The following SLX9 variants were observed in gnomAD, a reference collection of about 807,000 sequenced individuals.
SLX9 encodes the protein SLX9 ribosome biogenesis factor, also known as ribosome biogenesis protein SLX9 homolog.
SLX9 carries 19 observed loss-of-function variants against 20.8 expected under a neutral mutation model. The ratio of observed to expected loss-of-function variants is 0.91; its 90% CI spans 0.64 to 1.34. SLX9 has a LOEUF of 1.34. Among genes scored for constraint, SLX9 ranks in the 40% most tolerant of loss-of-function variants. The pLI, the probability that SLX9 is intolerant of heterozygous loss-of-function variation, is 0.00. For synonymous variants in SLX9, 113 were observed against 137.1 expected (o/e 0.82, Z 1.23); for missense variants, 299 against 322.2 (o/e 0.93, Z 0.55).
intron 2 of SLX9, among the ~76,000 whole-genome samples, chr21:44,957,005 C>T (rs984018437): frequency 4.6e-5 from 7 of 152,236 alleles, no homozygotes; most frequent in African/African-American, 1.7e-4. Context: ...AATTGCAGCT[C>T]CAGAGCACGG....
intron 3 of SLX9, among the ~76,000 whole-genome samples, chr21:44,960,482 C>G (rs1005983817): frequency 6.6e-6 from 1 of 152,278 alleles, no homozygotes; most frequent in African/African-American, 2.4e-5. Flanking sequence ...TGGGAAGCTG[C>G]TGCTCTCGGC....
At position 44,951,666 on chromosome 21, in the gene SLX9, C is replaced by T. The variant is rs576508271; in HGVS notation, c.283+7829C>T. ...GGAGATAAAAGCCAGGCCCTGCCCC[C>T]GGAGCCGCCCGAGCGCGCTGTGTGG... On this transcript the variant is annotated intron_variant, in intron 2 of 5. Coordinates refer to ENST00000291634, the MANE Select transcript of SLX9 (RefSeq NM_058190.4). Among the ~76,000 whole-genome samples the T allele has an allele frequency of 2.5e-4, 38 of 152,282 alleles. No homozygotes were observed. The South Asian group carries it at 3.5e-3, about 14-fold the overall frequency.
At chr21:44,971,455 G>T (rs1008830007) in intron 4 of SLX9, among the ~76,000 whole-genome samples, 2 of 152,144 alleles carry the variant, frequency 1.3e-5, no homozygotes, top group African/African-American at 4.8e-5. Flanking sequence ...GGTCCCCGCA[G>T]TGGGGAGGGG....
At chr21:44,940,028 T>G, upstream of SLX9, 1 of 1,401,078 alleles carries the variant, frequency 7.1e-7, no homozygotes, top group East Asian at 3.0e-5. Context: ...CGGGAGGCGC[T>G]CCGCACGTTT....
At position 44,975,436 on chromosome 21, in the gene SLX9, G is replaced by T. The variant is rs553463624; in HGVS notation, c.570-1244G>T. ...GGAGCCACACAGTGCCAGGGGCACCGAACCCGTGTCCCATAGTGTCTAAAC... is the reference window on the plus strand; with the variant it reads ...GGAGCCACACAGTGCCAGGGGCACCTAACCCGTGTCCCATAGTGTCTAAAC... On this transcript the variant is annotated intron_variant, in intron 5 of 5. Transcript: ENST00000291634. Among the ~76,000 whole-genome samples the T allele has an allele frequency of 2.0e-5, 3 of 152,320 alleles. No individual in the cohort carries two copies. In the East Asian group the frequency reaches 5.8e-4, roughly 29 times the overall value.
At chr21:44,975,463 C>G (rs1225153842) in intron 5 of SLX9, among the ~76,000 whole-genome samples, 2 of 152,250 alleles carry the variant, frequency 1.3e-5, no homozygotes, top group Non-Finnish European at 2.9e-5. Flanking sequence ...TGTCTAAACT[C>G]AGGCGCAGGC....
At chr21:44,950,264 CT>C (rs1309396690) in intron 2 of SLX9, among the ~76,000 whole-genome samples, 1 of 138,040 alleles carries the variant, frequency 7.2e-6, no homozygotes, top group African/African-American at 2.8e-5. Flanking sequence ...TTTTTAAGAC[CT>C]TTTTTTACAG....
intron 3 of SLX9, among the ~76,000 whole-genome samples, chr21:44,960,421 G>T (rs913068320): frequency 6.6e-6 from 1 of 152,268 alleles, no homozygotes; most frequent in Non-Finnish European, 1.5e-5. Flanking sequence ...CTGCCACCCC[G>T]TCCGTGTGGG....
intron 4 of SLX9, among the ~76,000 whole-genome samples, 155 bp downstream of exon 4, chr21:44,967,336 G>A (rs914854517): frequency 6.6e-6 from 1 of 152,234 alleles, no homozygotes; most frequent in Non-Finnish European, 1.5e-5. Context: ...CAGGTACCCT[G>A]TTCTCAGGGC....
chr21:44,960,713 C>G (rs1049226772), intron 3 of SLX9, among the ~76,000 whole-genome samples: 1 of 152,240 alleles, frequency 6.6e-6, no homozygotes, highest in African/African-American at 2.4e-5. Flanking sequence ...GTGGCTCCCT[C>G]TTTTCTGAGG....
intron 2 of SLX9, among the ~76,000 whole-genome samples, chr21:44,948,467 T>C (rs1399360528): frequency 2.0e-5 from 3 of 152,220 alleles, no homozygotes; most frequent in Non-Finnish European, 4.4e-5. Context: ...ATTGGATTTC[T>C]AGTTCTGTGT....
At position 44,944,892 on chromosome 21, in the gene SLX9, A is replaced by G. The variant is rs1003909942; in HGVS notation, c.283+1055A>G. 4.6e-5 allele frequency among the ~76,000 whole-genome samples: 7 copies of G among 152,236 alleles called. 1 individual carries two copies. The highest frequency in any genetic ancestry group is 8.8e-5 in the Non-Finnish European group (6 of 68,040). On this transcript the variant is annotated intron_variant, in intron 2 of 5. Transcript: ENST00000291634. The stretch of plus-strand genomic sequence containing the variant: ...CTTTGCATCTGTCAAAGGAGGTAAC[A>G]GTATTTATCTCCTAAGTTCTGGCAG...
chr21:44,942,716 C>A (rs2084570822), intron 1 of SLX9, among the ~76,000 whole-genome samples: 1 of 152,104 alleles, frequency 6.6e-6, no homozygotes, highest in Non-Finnish European at 1.5e-5. Flanking sequence ...AGTGGGAGAA[C>A]TTTGTGCTTC....
At chr21:44,976,530 T>G in intron 5 of SLX9, 150 bp from the exon 6 acceptor site, 1 of 1,263,090 alleles carries the variant, frequency 7.9e-7, no homozygotes, top group African/African-American at 1.5e-5. Flanking sequence ...GCCTCTCCCC[T>G]CCTGCCGGAA....
chr21:44,976,244 G>A (rs920295119), intron 5 of SLX9, among the ~76,000 whole-genome samples: 28 of 152,230 alleles, frequency 1.8e-4, no homozygotes, highest in African/African-American at 2.7e-4. Context: ...GGGCTGCCGC[G>A]CCCCACTCTG....
At chr21:44,954,205 C>T (rs1297571439) in intron 2 of SLX9, among the ~76,000 whole-genome samples, 1 of 152,118 alleles carries the variant, frequency 6.6e-6, no homozygotes, top group African/African-American at 2.4e-5. Context: ...GGTTTGGAGT[C>T]CACGTTTCTT....
At chr21:44,947,498 G>C (rs1034313759) in intron 2 of SLX9, among the ~76,000 whole-genome samples, 1 of 150,552 alleles carries the variant, frequency 6.6e-6, no homozygotes, top group South Asian at 2.1e-4. Flanking sequence ...CCTGGGAAGT[G>C]GTGGGGCTTG....
intron 2 of SLX9, among the ~76,000 whole-genome samples, chr21:44,955,227 T>G: frequency 6.9e-6 from 1 of 144,482 alleles, no homozygotes. Context: ...AAAAAAGAAG[T>G]AAGAAAGCTT....
chr21:44,948,914 G>C (rs555120875), intron 2 of SLX9, among the ~76,000 whole-genome samples: 13 of 152,310 alleles, frequency 8.5e-5, no homozygotes, highest in African/African-American at 2.9e-4. Flanking sequence ...GCAAGTGTGG[G>C]GTCCGGCCAT....
Sources: gnomAD v4.1 joint callset for allele counts (sites outside exome capture counted in the v4.1 genomes callset) on GRCh38, gnomAD v4.1.1 for gene constraint, MANE v1.5 for transcripts, NCBI Gene and HGNC (gene_info 2026-07-23, HGNC 2026-07-21) for gene names.